Variants in AUTS2 observed in about 807,000 individuals in gnomAD.
AUTS2 encodes autism susceptibility gene 2 protein.
Under a neutral mutation model 112.4 loss-of-function variants are expected in AUTS2, and 17 were observed. The ratio of observed to expected loss-of-function variants is 0.15; its 90% CI spans 0.10 to 0.23. The LOEUF (loss-of-function observed/expected upper bound fraction) is 0.23, where lower values mean the gene tolerates loss of function less well. Ranked by LOEUF, AUTS2 falls within the 10% of genes least tolerant of loss-of-function variation. The probability of loss-of-function intolerance (pLI) is 1.00; values close to 1 mark genes in which losing one functional copy is unlikely to be tolerated. For missense variants in AUTS2, 1,510 were observed against 1,701.6 expected, an observed-to-expected ratio of 0.89 and a Z score of 1.98; for synonymous variants, 751 against 702.7, an observed-to-expected ratio of 1.07 and a Z score of -1.09.
intron 5 of AUTS2, among the ~76,000 whole-genome samples, chr7:70,562,407 G>A (rs1323161178): frequency 2.0e-5 from 3 of 152,186 alleles, no homozygotes; most frequent in Non-Finnish European, 2.9e-5. Context: ...TGCTACAGCA[G>A]TACAACCCGT....
chr7:70,515,142 C>T (rs1799364468), intron 5 of AUTS2, among the ~76,000 whole-genome samples: 1 of 152,078 alleles, frequency 6.6e-6, no homozygotes, highest in African/African-American at 2.4e-5. Context: ...GCAGGTGATG[C>T]TCAGGAGTTA....
intron 1 of AUTS2, among the ~76,000 whole-genome samples, chr7:69,876,349 AATATATAT>A (rs61416382): frequency 0.028 from 819 of 29,500 alleles, 15 homozygotes; most frequent in South Asian, 0.054. Flanking sequence ...AAAAAAAAAA[AATATATAT>A]ATATATATAT....
chr7:69,709,158 C>T (rs1157636693), intron 1 of AUTS2, among the ~76,000 whole-genome samples: 3 of 152,204 alleles, frequency 2.0e-5, no homozygotes, highest in Non-Finnish European at 4.4e-5. Flanking sequence ...TTTAGACTAC[C>T]TTGGAAGAAT....
chr7:70,274,670 T>G (rs1476573713), intron 4 of AUTS2, among the ~76,000 whole-genome samples: 1 of 152,056 alleles, frequency 6.6e-6, no homozygotes, highest in Non-Finnish European at 1.5e-5. Context: ...AAGCTTAAGG[T>G]CTGTAATGGG....
chr7:70,169,046 C>T (rs117120784), intron 4 of AUTS2, among the ~76,000 whole-genome samples: 2,626 of 152,028 alleles, frequency 0.017, 54 homozygotes, highest in Middle Eastern at 0.075. Flanking sequence ...GTTTAGATGT[C>T]CTTGGCAGAT....
intron 2 of AUTS2, among the ~76,000 whole-genome samples, chr7:69,899,832 A>G (rs1004800753): frequency 2.6e-5 from 4 of 152,212 alleles, no homozygotes; most frequent in Non-Finnish European, 5.9e-5. Flanking sequence ...TGCAATTAGG[A>G]TAAATGGAAC....
intron 2 of AUTS2, among the ~76,000 whole-genome samples, chr7:70,061,829 C>T (rs1158573649): frequency 2.0e-5 from 3 of 151,594 alleles, no homozygotes; most frequent in African/African-American, 7.3e-5. Context: ...CTCTTGTTGC[C>T]CAGGCTGGAC....
At chr7:70,381,076 C>T (rs1793347456) in intron 4 of AUTS2, among the ~76,000 whole-genome samples, 2 of 152,150 alleles carry the variant, frequency 1.3e-5, no homozygotes, top group South Asian at 4.1e-4. Context: ...AATATTTGCT[C>T]TCATCCAACA....
intron 2 of AUTS2, among the ~76,000 whole-genome samples, chr7:70,003,624 GTATC>G (rs1175045781): frequency 1.3e-5 from 1 of 74,306 alleles, no homozygotes; most frequent in Non-Finnish European, 2.4e-5. Context: ...TTATATATGA[GTATC>G]TATAATATAT....
intron 4 of AUTS2, among the ~76,000 whole-genome samples, chr7:70,299,293 C>T (rs896370412): frequency 6.6e-6 from 1 of 152,162 alleles, no homozygotes; most frequent in Non-Finnish European, 1.5e-5. Flanking sequence ...CTTCCTTGTG[C>T]CTCAAGGCAA....
chr7:69,783,503 C>T (rs570477923), intron 1 of AUTS2, among the ~76,000 whole-genome samples: 51 of 152,036 alleles, frequency 3.4e-4, no homozygotes, highest in African/African-American at 1.1e-3. Flanking sequence ...CTGATTTTTG[C>T]GGCATCTTTC....
chr7:69,981,981 T>C (rs955830627), intron 2 of AUTS2, among the ~76,000 whole-genome samples: 15 of 152,194 alleles, frequency 9.9e-5, no homozygotes, highest in Admixed American at 8.5e-4. Flanking sequence ...TGCTGAACTT[T>C]ACCTACTGTC....
At chr7:70,213,873 A>G (rs1811044863) in intron 4 of AUTS2, among the ~76,000 whole-genome samples, 1 of 152,206 alleles carries the variant, frequency 6.6e-6, no homozygotes, top group Non-Finnish European at 1.5e-5. Flanking sequence ...CCCTAAAGTT[A>G]GAGTTATTGT....
chr7:69,858,568 T>TC (rs888484493), intron 1 of AUTS2, among the ~76,000 whole-genome samples: 91 of 152,284 alleles, frequency 6.0e-4, no homozygotes, highest in African/African-American at 2.0e-3. Context: ...TTTAAATGCT[T>TC]CCCCTGCTGA....
intron 2 of AUTS2, among the ~76,000 whole-genome samples, chr7:69,981,769 T>C (rs914446478): frequency 2.0e-5 from 3 of 152,240 alleles, no homozygotes; most frequent in African/African-American, 7.2e-5. Context: ...TCTTGAGATA[T>C]GCTAACAGAC....
chr7:70,292,078 C>A (rs1174279504), intron 4 of AUTS2: 1 of 152,166 alleles, frequency 6.6e-6, no homozygotes, highest in African/African-American at 2.4e-5. Flanking sequence ...ATTTTGTGGA[C>A]CTACTGGTAG....
intron 4 of AUTS2, among the ~76,000 whole-genome samples, chr7:70,158,539 G>C (rs535592340): frequency 3.9e-5 from 6 of 152,158 alleles, no homozygotes; most frequent in African/African-American, 1.2e-4. Flanking sequence ...AGGCAGTATA[G>C]GGGAGTGAAT....
chr7:70,107,335 C>CTTTTT lies in AUTS2; in HGVS notation c.523-10778_523-10774dup, dbSNP rs35066322. On this transcript the variant is annotated intron_variant, in intron 2 of 18. Transcript: ENST00000342771. ...TTACTGGCCAATCCCAGATGAGAAG[C>CTTTTT]TTTTTTTTTTTTTTTTTTTTTTTCT... 7.6e-4 allele frequency among the ~76,000 whole-genome samples: 74 copies of CTTTTT among 96,934 alleles called. 1 individual carries two copies. The highest frequency in any genetic ancestry group is 9.3e-4 in the Non-Finnish European group (47 of 50,498). The allele number at this position is 96,934 out of a possible 152,430, so 63.6% of individuals were successfully genotyped here. A position where few individuals can be genotyped will look rare whatever the true frequency, so the allele number is the denominator to read the frequency against.
chr7:69,912,355 G>A (rs1795396421), intron 2 of AUTS2, among the ~76,000 whole-genome samples: 1 of 152,024 alleles, frequency 6.6e-6, no homozygotes, highest in African/African-American at 2.4e-5. Flanking sequence ...TGTGTGCCCA[G>A]GAGCATGAAT....
Sources: allele counts gnomAD v4.1 joint callset (sites outside exome capture counted in the v4.1 genomes callset), GRCh38; gene constraint gnomAD v4.1.1; transcripts MANE v1.5; gene names NCBI Gene and HGNC (gene_info 2026-07-23, HGNC 2026-07-21).